The following ZBTB8A variants were observed in gnomAD, a reference collection of about 807,000 sequenced individuals.
The protein encoded by ZBTB8A is zinc finger and BTB domain containing 8A.
Under a neutral mutation model 37.8 loss-of-function variants are expected in ZBTB8A, and 19 were observed. That is an observed-to-expected ratio of 0.50 (90% CI 0.35 to 0.74). The LOEUF (loss-of-function observed/expected upper bound fraction) is 0.74. ZBTB8A is among the 30% of genes least tolerant of loss of function. ZBTB8A has a pLI of 0.01. For synonymous variants in ZBTB8A, 181 were observed against 185.2 expected (o/e 0.98, Z 0.19); for missense variants, 394 against 537.8 (o/e 0.73, Z 2.65).
Position 32,601,581 on chromosome 1 carries a change from A to T in ZBTB8A, c.*1162A>T, listed in dbSNP as rs1644576522. The T allele has an allele frequency of 5.0e-6, 2 of 398,454 alleles. No homozygotes were observed. Among genetic ancestry groups the T allele is most frequent in the Non-Finnish European group, 4.4e-6 (1 of 226,062 alleles). The allele number at this position is 398,454 out of a possible 1,614,324, so 24.7% of individuals were successfully genotyped here. A position where few individuals can be genotyped will look rare whatever the true frequency, so the allele number is the denominator to read the frequency against. On this transcript the variant is annotated 3_prime_UTR_variant, in exon 5 of 5. Coordinates refer to ENST00000373510, the MANE Select transcript of ZBTB8A (RefSeq NM_001040441.3). Reference sequence around the variant, plus strand: ...AAAGTACTCTCTCATGTATTTTCTCAGTGAGGTGGATACTATCTCCGATTT... The same window carrying T: ...AAAGTACTCTCTCATGTATTTTCTCTGTGAGGTGGATACTATCTCCGATTT...
In ZBTB8A at chr1:32,597,687, A is replaced by G. The variant is rs1300167478; in HGVS notation, c.994-2400A>G. 2.6e-5 allele frequency among the ~76,000 whole-genome samples: 4 copies of G among 152,210 alleles called. 1 individual carries two copies. The highest frequency in any genetic ancestry group is 2.9e-5 in the Non-Finnish European group (2 of 68,036). ...AGATACATATTTTGGAGGGATGGAC[A>G]TGAATCTGTATCAGAGCTTGTAACA... On this transcript the variant is annotated intron_variant, in intron 4 of 4. Transcript: ENST00000373510.
intron 2 of ZBTB8A, among the ~76,000 whole-genome samples, chr1:32,558,889 C>T (rs368215828): frequency 5.1e-4 from 77 of 152,268 alleles, no homozygotes; most frequent in East Asian, 1.7e-3. Context: ...ATGTCCCAGG[C>T]GCCTGCAGAG....
chr1:32,595,852 T>G (rs1644526457), intron 4 of ZBTB8A, among the ~76,000 whole-genome samples: 1 of 151,502 alleles, frequency 6.6e-6, no homozygotes, highest in Admixed American at 6.6e-5. Flanking sequence ...GAGATGGGGT[T>G]TCATCATGTT....
intron 2 of ZBTB8A, among the ~76,000 whole-genome samples, chr1:32,573,334 A>G (rs1416888681): frequency 6.7e-6 from 1 of 150,202 alleles, no homozygotes; most frequent in Non-Finnish European, 1.5e-5. Context: ...TCGGCCTCCC[A>G]AAGTGCTGTG....
Position 32,553,232 on chromosome 1 carries a change from G to A in ZBTB8A, c.-83-227G>A, listed in dbSNP as rs1317106377. Among the ~76,000 whole-genome samples the A allele has an allele frequency of 2.6e-5, 4 of 151,892 alleles. No individual in the cohort carries two copies. In the East Asian group the frequency reaches 5.8e-4, roughly 22 times the overall value. Reference sequence around the variant, plus strand: ...CTGCCACCATGCCCAGCTAATTTTTGTATACTTAATAGAGATGGGGTTTCA... The same window carrying A: ...CTGCCACCATGCCCAGCTAATTTTTATATACTTAATAGAGATGGGGTTTCA... On this transcript the variant is annotated intron_variant, in intron 1 of 4. Transcript: ENST00000373510.
At chr1:32,569,582 C>T (rs1023432133) in intron 2 of ZBTB8A, among the ~76,000 whole-genome samples, 2 of 151,414 alleles carry the variant, frequency 1.3e-5, no homozygotes, top group African/African-American at 2.4e-5. Flanking sequence ...TTAGTAGAGA[C>T]GTTGTTTCAC....
chr1:32,573,527 G>A (rs1644338423), intron 2 of ZBTB8A, among the ~76,000 whole-genome samples: 1 of 150,566 alleles, frequency 6.6e-6, no homozygotes, highest in South Asian at 2.1e-4. Context: ...CGACTTCCTG[G>A]GCTCGGGTGA....
intron 1 of ZBTB8A, among the ~76,000 whole-genome samples, chr1:32,540,537 C>G (rs1644044761): frequency 1.3e-5 from 2 of 152,160 alleles, no homozygotes; most frequent in Non-Finnish European, 2.9e-5. Context: ...GGCGTTTCAC[C>G]TCTAGGCTAG....
chr1:32,574,254 A>G (rs1644344389), intron 2 of ZBTB8A, among the ~76,000 whole-genome samples: 1 of 152,136 alleles, frequency 6.6e-6, no homozygotes, highest in South Asian at 2.1e-4. Flanking sequence ...ATTGACTTCT[A>G]GTTTGATTGT....
At chr1:32,540,867 C>G (rs1004422403) in intron 1 of ZBTB8A, among the ~76,000 whole-genome samples, 2 of 152,096 alleles carry the variant, frequency 1.3e-5, no homozygotes, top group African/African-American at 2.4e-5. Flanking sequence ...GGCTTAGGGC[C>G]CTTGATCAAA....
chr1:32,539,616 G>C (rs1469920529), intron 1 of ZBTB8A, 44 bp downstream of exon 1: 1 of 146,278 alleles, frequency 6.8e-6, no homozygotes, highest in East Asian at 2.0e-4. Context: ...GGCGGGCGTC[G>C]GGGCTGCCCG....
At chr1:32,589,633 T>G (rs2148247666) in intron 2 of ZBTB8A, among the ~76,000 whole-genome samples, 1 of 152,050 alleles carries the variant, frequency 6.6e-6, no homozygotes, top group Admixed American at 6.6e-5. Context: ...CACTACAGCC[T>G]CCACCTCTGG....
chr1:32,583,641 T>C (rs1398430908), intron 2 of ZBTB8A, among the ~76,000 whole-genome samples: 3 of 151,964 alleles, frequency 2.0e-5, no homozygotes, highest in African/African-American at 7.3e-5. Flanking sequence ...CCATTGAAGA[T>C]GTAATTAAAT....
intron 2 of ZBTB8A, among the ~76,000 whole-genome samples, chr1:32,577,702 C>T (rs1570350111): frequency 1.3e-5 from 2 of 150,602 alleles, no homozygotes; most frequent in African/African-American, 4.9e-5. Flanking sequence ...ATGCCCTAGC[C>T]TCCCGAGTAA....
At chr1:32,576,726 GC>G (rs1470685724) in intron 2 of ZBTB8A, among the ~76,000 whole-genome samples, 1 of 152,002 alleles carries the variant, frequency 6.6e-6, no homozygotes, top group Non-Finnish European at 1.5e-5. Context: ...ACCACGCCCA[GC>G]CTAATTTTTG....
intron 2 of ZBTB8A, among the ~76,000 whole-genome samples, chr1:32,583,875 C>G (rs1186029584): frequency 6.6e-6 from 1 of 152,120 alleles, no homozygotes; most frequent in Non-Finnish European, 1.5e-5. Context: ...TCCCGAGTAG[C>G]TGGAATTACA....
rs1368389441 is a variant in ZBTB8A at position 32,561,940 on chromosome 1, CTTTTTTA to C, written c.-2+8411_-2+8417del. Among the ~76,000 whole-genome samples the C allele has an allele frequency of 2.6e-5, 4 of 151,860 alleles. No individual in the cohort carries two copies. In the East Asian group the frequency reaches 7.7e-4, roughly 29 times the overall value. On this transcript the variant is annotated intron_variant, in intron 2 of 4. Coordinates refer to ENST00000373510, the MANE Select transcript of ZBTB8A (RefSeq NM_001040441.3). ...AGAGAGTGGAAGGAGGTGGTACATACTTTTTTATTTTTTATTTATTTTTATTTGAGAC... is the reference window on the plus strand; with the variant it reads ...AGAGAGTGGAAGGAGGTGGTACATACTTTTTTATTTATTTTTATTTGAGAC...
At chr1:32,592,606 A>G (rs1644498385) in intron 2 of ZBTB8A, among the ~76,000 whole-genome samples, 1 of 151,776 alleles carries the variant, frequency 6.6e-6, no homozygotes. Flanking sequence ...TCCCAGGTTC[A>G]AGCGATTTGT....
chr1:32,558,907 C>A (rs1644223290), intron 2 of ZBTB8A, among the ~76,000 whole-genome samples: 2 of 152,198 alleles, frequency 1.3e-5, no homozygotes, highest in African/African-American at 4.8e-5. Context: ...GAGTTCTTGA[C>A]ATTTACAATG....
Sources: gnomAD v4.1 joint callset for allele counts (sites outside exome capture counted in the v4.1 genomes callset) on GRCh38, gnomAD v4.1.1 for gene constraint, MANE v1.5 for transcripts, NCBI Gene and HGNC (gene_info 2026-07-23, HGNC 2026-07-21) for gene names.